ZNF600: variants seen among roughly 807,000 people sequenced by gnomAD.
The protein encoded by ZNF600 is zinc finger protein 600, also known as zinc finger protein KR-ZNF1.
In ZNF600, 4 loss-of-function variants were observed where a neutral mutation model predicts 7.3. That is an observed-to-expected ratio of 0.55 (90% CI 0.27 to 1.25). The LOEUF (loss-of-function observed/expected upper bound fraction) is 1.25, where lower values mean the gene tolerates loss of function less well. Among genes scored for constraint, ZNF600 ranks in the 50% most tolerant of loss-of-function variants. ZNF600 has a pLI of 0.12. For synonymous variants in ZNF600, 290 were observed against 308.9 expected, an observed-to-expected ratio of 0.94 and a Z score of 0.64; for missense variants, 911 against 922.1, an observed-to-expected ratio of 0.99 and a Z score of 0.16.
chr19:52,790,178 G>A (rs1027405911), upstream of ZNF600, among the ~76,000 whole-genome samples: 1 of 152,342 alleles, frequency 6.6e-6, no homozygotes, highest in South Asian at 2.1e-4. Flanking sequence ...ATACGTGCAA[G>A]TCACAGGGGA....
chr19:52,827,736 A>G, the ZNF600 span, among the ~76,000 whole-genome samples: 1,737 of 151,928 alleles, frequency 0.011, 58 homozygotes, highest in African/African-American at 0.04. Context: ...TAGTAGAGAC[A>G]GGGTTTCACC....
At chr19:52,811,504 C>T in the ZNF600 span, among the ~76,000 whole-genome samples, 65 of 148,646 alleles carry the variant, frequency 4.4e-4, no homozygotes, top group South Asian at 2.1e-4. Context: ...TCTGCCCGGC[C>T]GCCCATCGTC....
intron 1 of ZNF600, among the ~76,000 whole-genome samples, chr19:52,786,254 C>T (rs1019459501): frequency 3.3e-5 from 5 of 152,116 alleles, no homozygotes; most frequent in Non-Finnish European, 1.5e-5. Flanking sequence ...AGCAGCAGGG[C>T]CCGGCACCAG....
chr19:52,787,101 T>C (rs573648976), upstream of ZNF600, among the ~76,000 whole-genome samples: 476 of 152,376 alleles, frequency 3.1e-3, no homozygotes, highest in Middle Eastern at 0.02. Context: ...AGAAATCCTC[T>C]CCCTTTCTAT....
At chr19:52,796,888 CATGTT>C in the ZNF600 span, among the ~76,000 whole-genome samples, 11 of 152,312 alleles carry the variant, frequency 7.2e-5, no homozygotes, top group Admixed American at 7.2e-4. Flanking sequence ...CCTGTTCAGA[CATGTT>C]ATAACAGATT....
rs142778138 is a variant in ZNF600 at position 52,768,562 on chromosome 19, T to C, written c.191-790A>G. ...TTTTCAAAAAATTTTTGTATTTTTA[T>C]TTTTTTGAGATGGAGTCTTGCACTC... On this transcript the variant is annotated intron_variant, in intron 3 of 3. Coordinates refer to ENST00000648973, the Ensembl canonical transcript of ZNF600. Among the ~76,000 whole-genome samples, 755 of 152,236 alleles carry C rather than the reference T, an allele frequency of 5.0e-3. 7 individuals are homozygous for C. The highest frequency in any genetic ancestry group is 0.017 in the African/African-American group (725 of 41,546).
intron 3 of ZNF600, among the ~76,000 whole-genome samples, chr19:52,769,048 CCTT>C (rs2062611412): frequency 6.6e-6 from 1 of 152,170 alleles, no homozygotes; most frequent in Non-Finnish European, 1.5e-5. Context: ...CCAGAGGACT[CCTT>C]GGTCTGGCAG....
upstream of ZNF600, among the ~76,000 whole-genome samples, chr19:52,790,680 TC>T (rs1247937591): frequency 1.5e-5 from 2 of 130,284 alleles, no homozygotes; most frequent in Non-Finnish European, 3.2e-5. Context: ...TCTCTCTCTC[TC>T]CTTTTTTTTT....
chr19:52,802,285 C>T, the ZNF600 span, among the ~76,000 whole-genome samples: 4 of 152,142 alleles, frequency 2.6e-5, no homozygotes, highest in East Asian at 3.9e-4. Flanking sequence ...ACAAGAATTG[C>T]GTTAAGCCAA....
the ZNF600 span, among the ~76,000 whole-genome samples, chr19:52,827,892 G>C: frequency 6.6e-6 from 1 of 152,072 alleles, no homozygotes; most frequent in Non-Finnish European, 1.5e-5. Context: ...CAGAAGGCAT[G>C]GGTGAGTGCG....
the ZNF600 span, chr19:52,821,498 C>T: frequency 6.6e-6 from 1 of 152,320 alleles, no homozygotes; most frequent in Non-Finnish European, 1.5e-5. Context: ...GGGAGAACTT[C>T]CAGGTCTAGG....
upstream of ZNF600, among the ~76,000 whole-genome samples, chr19:52,790,561 C>T (rs946856296): frequency 1.3e-5 from 2 of 152,056 alleles, no homozygotes; most frequent in African/African-American, 4.8e-5. Context: ...ATCTTTCAAG[C>T]TCTTTGGGAG....
the ZNF600 span, chr19:52,800,967 T>C: frequency 2.8e-5 from 45 of 1,614,056 alleles, no homozygotes; most frequent in South Asian, 4.9e-4. Context: ...GTCTGCAGTA[T>C]GAAGCGCCTT....
chr19:52,810,300 G>A, the ZNF600 span: 9 of 1,551,236 alleles, frequency 5.8e-6, no homozygotes, highest in East Asian at 2.0e-4. Context: ...GATGGAGGCT[G>A]ATGCCCGTTC....
chr19:52,812,229 GC>G, the ZNF600 span, among the ~76,000 whole-genome samples: 1 of 135,816 alleles, frequency 7.4e-6, no homozygotes, highest in Admixed American at 7.2e-5. Flanking sequence ...GAAGTGAGGA[GC>G]CCCTCTGCCC....
intron 3 of ZNF600, among the ~76,000 whole-genome samples, chr19:52,768,449 A>C (rs1489800766): frequency 6.6e-6 from 1 of 152,038 alleles, no homozygotes; most frequent in Non-Finnish European, 1.5e-5. Flanking sequence ...CAAAAAAAAA[A>C]AAAAAGCAAA....
the ZNF600 span, among the ~76,000 whole-genome samples, chr19:52,821,187 C>CAG: frequency 0.098 from 14,902 of 151,464 alleles, 798 homozygotes; most frequent in South Asian, 0.19. Flanking sequence ...CCCAGGACCA[C>CAG]AGAACGCAGC....
the ZNF600 span, among the ~76,000 whole-genome samples, chr19:52,811,544 G>C: frequency 2.8e-5 from 4 of 142,528 alleles, no homozygotes; most frequent in Non-Finnish European, 6.0e-5. Context: ...CTGCCCCACC[G>C]CCCTGTCTGG....
intron 1 of ZNF600, among the ~76,000 whole-genome samples, 200 bp from the exon 4 acceptor site, chr19:52,779,107 C>T (rs1371317248): frequency 6.6e-6 from 1 of 152,154 alleles, no homozygotes; most frequent in African/African-American, 2.4e-5. Flanking sequence ...TCTCACTCCC[C>T]TCCTGGAGAA....
Sources: gnomAD v4.1 joint callset for allele counts (sites outside exome capture counted in the v4.1 genomes callset) on GRCh38, gnomAD v4.1.1 for gene constraint, MANE v1.5 for transcripts, NCBI Gene and HGNC (gene_info 2026-07-23, HGNC 2026-07-21) for gene names.